Variants in CNTNAP5 observed in about 807,000 individuals in gnomAD.
CNTNAP5 encodes contactin associated protein family member 5.
In CNTNAP5, 72 loss-of-function variants were observed where a neutral mutation model predicts 150.2. That is an observed-to-expected ratio of 0.48 (90% CI 0.40 to 0.58). The LOEUF is 0.58. CNTNAP5 is among the 20% of genes least tolerant of loss of function. The probability of loss-of-function intolerance (pLI) is 0.00; values close to 1 mark genes in which losing one functional copy is unlikely to be tolerated. For missense variants in CNTNAP5, 1,636 were observed against 1,626.2 expected (o/e 1.01, Z -0.10); for synonymous variants, 672 against 619.8 (o/e 1.08, Z -1.25).
intron 3 of CNTNAP5, among the ~76,000 whole-genome samples, chr2:124,328,263 A>G (rs540486851): frequency 6.6e-6 from 1 of 152,244 alleles, no homozygotes; most frequent in South Asian, 2.1e-4. Context: ...TGGTTTCTAC[A>G]TTGCAGATTT....
At position 124,798,123 on chromosome 2, in the gene CNTNAP5, C is replaced by T. The variant is rs1449840064; in HGVS notation, c.3020C>T (p.Thr1007Met). The T allele has an allele frequency of 6.8e-6, 11 of 1,612,450 alleles. No homozygotes were observed. Among genetic ancestry groups the T allele is most frequent in the South Asian group, 3.3e-5 (3 of 90,818 alleles). ...KEVSAVFEAG[T>M]SVTYMFQEPY... Reference sequence around the variant, plus strand: ...GTTTCTGCTGTTTTTGAGGCTGGCACGTCGGTTACTTACATGTTTCAAGAA... The same window carrying T: ...GTTTCTGCTGTTTTTGAGGCTGGCATGTCGGTTACTTACATGTTTCAAGAA... Residue 1007 changes from threonine to methionine, a missense_variant, in exon 19 of 24, where the codon ACG (threonine) becomes ATG (methionine). Physicochemically the swap from Thr to Met is moderately conservative, Grantham distance 81. Transcript: ENST00000682447.
At chr2:124,678,039 C>T (rs931020533) in intron 13 of CNTNAP5, among the ~76,000 whole-genome samples, 1 of 151,832 alleles carries the variant, frequency 6.6e-6, no homozygotes, top group East Asian at 1.9e-4. Context: ...TAAGTCTCTG[C>T]CTTTTTGTTT....
chr2:124,791,465 C>T (rs1261977628), intron 18 of CNTNAP5, among the ~76,000 whole-genome samples: 1 of 152,156 alleles, frequency 6.6e-6, no homozygotes, highest in African/African-American at 2.4e-5. Flanking sequence ...TGAACAACTT[C>T]CCCTGAGAAG....
At chr2:124,279,868 C>T (rs1687970514) in intron 3 of CNTNAP5, among the ~76,000 whole-genome samples, 1 of 152,048 alleles carries the variant, frequency 6.6e-6, no homozygotes, top group Admixed American at 6.6e-5. Context: ...CTTACCTTCA[C>T]CCTCCCCAGT....
At chr2:124,306,444 C>A (rs770703648) in intron 3 of CNTNAP5, among the ~76,000 whole-genome samples, 3 of 152,140 alleles carry the variant, frequency 2.0e-5, no homozygotes, top group Non-Finnish European at 2.9e-5. Flanking sequence ...GAACTGAGCT[C>A]CAAATGGTCA....
chr2:124,393,067 C>T (rs1691161512), intron 3 of CNTNAP5, among the ~76,000 whole-genome samples: 1 of 151,840 alleles, frequency 6.6e-6, no homozygotes, highest in Admixed American at 6.6e-5. Flanking sequence ...CTGTTAGTTT[C>T]CTTATCATGT....
chr2:124,786,387 GAAAGAA>G (rs1681580115), intron 17 of CNTNAP5, among the ~76,000 whole-genome samples: 1 of 84,832 alleles, frequency 1.2e-5, no homozygotes, highest in Non-Finnish European at 2.2e-5. Context: ...AAGAAAGAAA[GAAAGAA>G]AGAAAGAAGG....
At chr2:124,072,990 G>A (rs569554206) in intron 1 of CNTNAP5, among the ~76,000 whole-genome samples, 1 of 152,120 alleles carries the variant, frequency 6.6e-6, no homozygotes, top group South Asian at 2.1e-4. Context: ...AAACCAGCAT[G>A]GTACTGGAAT....
chr2:124,383,036 T>G (rs1690838025), intron 3 of CNTNAP5, among the ~76,000 whole-genome samples: 1 of 152,182 alleles, frequency 6.6e-6, no homozygotes, highest in Non-Finnish European at 1.5e-5. Context: ...CTCCCTTTGC[T>G]TTGCTACCTT....
rs1678743366 is a variant in CNTNAP5 at position 124,915,313 on chromosome 2, C to G, written c.*1025C>G. On this transcript the variant is annotated 3_prime_UTR_variant, in exon 24 of 24. Transcript: ENST00000682447. ...ATAGTACCCGGTTCAATGAAAGAGC[C>G]TAAACCATCTTAACTCAGCTTTAAA... 1 of 166,068 alleles carries G rather than the reference C, an allele frequency of 6.0e-6. No individual in the cohort carries two copies. Among genetic ancestry groups the G allele is most frequent in the African/African-American group, 2.4e-5 (1 of 41,128 alleles). 10.3% of individuals were successfully genotyped at this position (166,068 alleles called of 1,614,324 possible). A position where few individuals can be genotyped will look rare whatever the true frequency, so the allele number is the denominator to read the frequency against.
chr2:124,812,222 G>A (rs1682251989), intron 19 of CNTNAP5, among the ~76,000 whole-genome samples: 1 of 131,428 alleles, frequency 7.6e-6, no homozygotes, highest in Non-Finnish European at 1.6e-5. Context: ...TTTTTTAATG[G>A]TAAAGCACAT....
At chr2:124,374,891 C>T (rs1201350035) in intron 3 of CNTNAP5, among the ~76,000 whole-genome samples, 5 of 151,916 alleles carry the variant, frequency 3.3e-5, no homozygotes, top group Non-Finnish European at 5.9e-5. Flanking sequence ...CTCAAGGACA[C>T]AGAAGTCAAG....
chr2:124,688,128 C>T (rs958461510), intron 13 of CNTNAP5, among the ~76,000 whole-genome samples: 1 of 151,996 alleles, frequency 6.6e-6, no homozygotes, highest in Non-Finnish European at 1.5e-5. Context: ...TTCTCTACTG[C>T]AAATTTCATA....
intron 1 of CNTNAP5, among the ~76,000 whole-genome samples, chr2:124,181,783 G>A (rs17011018): frequency 0.014 from 2,063 of 152,232 alleles, 45 homozygotes; most frequent in African/African-American, 0.046. Context: ...TTATAAATGC[G>A]CTCTGAGATG....
chr2:124,893,489 A>C (rs1678241688), intron 21 of CNTNAP5, among the ~76,000 whole-genome samples: 1 of 152,076 alleles, frequency 6.6e-6, no homozygotes, highest in Non-Finnish European at 1.5e-5. Flanking sequence ...TTGTCTTTCC[A>C]TGTCTTAATG....
At chr2:124,191,924 G>A (rs1349061666) in intron 1 of CNTNAP5, among the ~76,000 whole-genome samples, 1 of 151,504 alleles carries the variant, frequency 6.6e-6, no homozygotes, top group African/African-American at 2.4e-5. Context: ...CAAAGAAAAA[G>A]TAAAAAGAAA....
At chr2:124,556,896 G>A (rs1435919735) in intron 10 of CNTNAP5, among the ~76,000 whole-genome samples, 1 of 152,038 alleles carries the variant, frequency 6.6e-6, no homozygotes, top group Non-Finnish European at 1.5e-5. Context: ...CAAGGATCAA[G>A]GTGAGCTGGA....
At chr2:124,549,953 C>T (rs1695592960) in intron 10 of CNTNAP5, among the ~76,000 whole-genome samples, 1 of 152,210 alleles carries the variant, frequency 6.6e-6, no homozygotes, top group South Asian at 2.1e-4. Context: ...GGTGCCCTCT[C>T]TGTATCCACG....
At chr2:124,611,552 C>CA (rs1437330045) in intron 12 of CNTNAP5, among the ~76,000 whole-genome samples, 1 of 152,152 alleles carries the variant, frequency 6.6e-6, no homozygotes, top group Non-Finnish European at 1.5e-5. Flanking sequence ...ACAACCTGGT[C>CA]AAAAACTAGG....
Sources: gnomAD v4.1 joint callset for allele counts (sites outside exome capture counted in the v4.1 genomes callset) on GRCh38, gnomAD v4.1.1 for gene constraint, MANE v1.5 for transcripts, NCBI Gene and HGNC (gene_info 2026-07-23, HGNC 2026-07-21) for gene names.